The following POU6F2 variants were observed in gnomAD, a reference collection of about 807,000 sequenced individuals.
The protein encoded by POU6F2 is POU domain, class 6, transcription factor 2.
In POU6F2, 31 loss-of-function variants were observed where a neutral mutation model predicts 71.3. The ratio of observed to expected loss-of-function variants is 0.43; its 90% CI spans 0.33 to 0.59. The LOEUF (loss-of-function observed/expected upper bound fraction) is 0.59. Ranked by LOEUF, POU6F2 falls within the 20% of genes least tolerant of loss-of-function variation. POU6F2 has a pLI of 0.04. For missense variants in POU6F2, 783 were observed against 856.8 expected, an observed-to-expected ratio of 0.91 and a Z score of 1.07; for synonymous variants, 347 against 355.7, an observed-to-expected ratio of 0.98 and a Z score of 0.27.
intron 1 of POU6F2, among the ~76,000 whole-genome samples, chr7:39,061,434 T>A (rs557487419): frequency 6.6e-6 from 1 of 152,222 alleles, no homozygotes; most frequent in Non-Finnish European, 1.5e-5. Context: ...AAACCCATGT[T>A]AATAAACTGT....
chr7:39,223,910 C>G (rs182289192), intron 4 of POU6F2, among the ~76,000 whole-genome samples: 61 of 152,316 alleles, frequency 4.0e-4, no homozygotes, highest in African/African-American at 1.4e-3. Flanking sequence ...TGGTTCTTCA[C>G]TTGAGCACTT....
At chr7:39,032,095 A>T (rs1323343668) in intron 1 of POU6F2, among the ~76,000 whole-genome samples, 1 of 152,214 alleles carries the variant, frequency 6.6e-6, no homozygotes, top group Non-Finnish European at 1.5e-5. Flanking sequence ...ATGTTTACAG[A>T]TACCCAGAGG....
At chr7:39,014,491 C>T (rs983507217) in intron 1 of POU6F2, among the ~76,000 whole-genome samples, 4 of 152,160 alleles carry the variant, frequency 2.6e-5, no homozygotes, top group Non-Finnish European at 4.4e-5. Context: ...CTTTCTCCTA[C>T]GCCTTGGGTA....
intron 4 of POU6F2, among the ~76,000 whole-genome samples, chr7:39,313,891 C>T (rs1785212345): frequency 6.6e-6 from 1 of 152,158 alleles, no homozygotes; most frequent in African/African-American, 2.4e-5. Context: ...CTGAGCTTCC[C>T]TGCCAATGGA....
chr7:39,383,910 T>G (rs1025399787), intron 5 of POU6F2, among the ~76,000 whole-genome samples: 6 of 152,236 alleles, frequency 3.9e-5, no homozygotes, highest in Middle Eastern at 3.2e-3. Flanking sequence ...GCTGTTACAT[T>G]AGATCTCATG....
chr7:39,082,186 G>A (rs1791134363), intron 1 of POU6F2, among the ~76,000 whole-genome samples: 1 of 152,174 alleles, frequency 6.6e-6, no homozygotes, highest in Non-Finnish European at 1.5e-5. Context: ...AATTTTTGTT[G>A]TGATTTTGCT....
chr7:39,063,303 G>A (rs953581593), intron 1 of POU6F2, among the ~76,000 whole-genome samples: 2 of 152,166 alleles, frequency 1.3e-5, no homozygotes, highest in Non-Finnish European at 2.9e-5. Flanking sequence ...GAGCCTGAGA[G>A]TTCGAGATCA....
intron 2 of POU6F2, among the ~76,000 whole-genome samples, chr7:39,101,920 C>T (rs2128723813): frequency 1.3e-5 from 2 of 152,278 alleles, no homozygotes; most frequent in South Asian, 4.1e-4. Context: ...AAATAGGCTT[C>T]CTCACTCTAA....
intron 5 of POU6F2, among the ~76,000 whole-genome samples, chr7:39,365,688 G>GA (rs573200074): frequency 4.7e-4 from 71 of 152,050 alleles, no homozygotes; most frequent in African/African-American, 1.6e-3. Flanking sequence ...AAATTAGCAA[G>GA]AAAAAAACAA....
chr7:39,144,692 C>A (rs751699515), intron 2 of POU6F2, among the ~76,000 whole-genome samples: 1 of 152,174 alleles, frequency 6.6e-6, no homozygotes, highest in African/African-American at 2.4e-5. Flanking sequence ...AGTACCTCCA[C>A]GGGAATCATC....
At chr7:39,157,438 T>G (rs538357081) in intron 2 of POU6F2, among the ~76,000 whole-genome samples, 2 of 152,186 alleles carry the variant, frequency 1.3e-5, no homozygotes, top group African/African-American at 4.8e-5. Flanking sequence ...ATCGATTTTT[T>G]AAAAATACAT....
chr7:38,983,550 C>T (rs1422694327), intron 1 of POU6F2, among the ~76,000 whole-genome samples: 1 of 152,142 alleles, frequency 6.6e-6, no homozygotes, highest in African/African-American at 2.4e-5. Flanking sequence ...GCTTTTTACA[C>T]ATTTCTTCTG....
chr7:39,301,765 C>T (rs1476137754), intron 4 of POU6F2, among the ~76,000 whole-genome samples: 1 of 152,102 alleles, frequency 6.6e-6, no homozygotes, highest in Non-Finnish European at 1.5e-5. Context: ...TGACACTGCC[C>T]CATTAAAAAG....
At chr7:39,313,359 A>G (rs927578654) in intron 4 of POU6F2, among the ~76,000 whole-genome samples, 1 of 151,578 alleles carries the variant, frequency 6.6e-6, no homozygotes, top group Admixed American at 6.6e-5. Flanking sequence ...AATACCCCCA[A>G]CACCCTCTTT....
intron 1 of POU6F2, among the ~76,000 whole-genome samples, chr7:39,052,866 TG>T (rs1790424625): frequency 6.6e-6 from 1 of 152,146 alleles, no homozygotes; most frequent in Admixed American, 6.5e-5. Context: ...ACCTTGGCTT[TG>T]TCCATTCTCC....
intron 5 of POU6F2, among the ~76,000 whole-genome samples, chr7:39,377,426 C>T (rs929295967): frequency 2.0e-5 from 3 of 152,104 alleles, no homozygotes; most frequent in African/African-American, 7.2e-5. Flanking sequence ...CCACCATGCA[C>T]GGCCTATAAT....
At chr7:39,219,783 A>T (rs143693461) in intron 4 of POU6F2, among the ~76,000 whole-genome samples, 2 of 152,234 alleles carry the variant, frequency 1.3e-5, no homozygotes, top group Non-Finnish European at 2.9e-5. Flanking sequence ...GCGCAAATAT[A>T]CAGGTCCATT....
At chr7:39,287,939 A>G (rs4551233) in intron 4 of POU6F2, among the ~76,000 whole-genome samples, 70,218 of 151,974 alleles carry the variant, frequency 0.46, 17,186 homozygotes, top group Admixed American at 0.62. Flanking sequence ...GCATCTGTGT[A>G]TATTGACTGA....
At chr7:39,400,452 G>C (rs1787273482) in intron 5 of POU6F2, among the ~76,000 whole-genome samples, 2 of 152,130 alleles carry the variant, frequency 1.3e-5, no homozygotes, top group South Asian at 4.1e-4. Flanking sequence ...ACTCCCTCAG[G>C]CTCCAGGATC....
Sources: allele counts gnomAD v4.1 joint callset (sites outside exome capture counted in the v4.1 genomes callset), GRCh38; gene constraint gnomAD v4.1.1; transcripts MANE v1.5; gene names NCBI Gene and HGNC (gene_info 2026-07-23, HGNC 2026-07-21).